Variants in C18orf54 observed in about 807,000 individuals in gnomAD.
The protein encoded by C18orf54 is chromosome 18 open reading frame 54.
Under a neutral mutation model 49.3 loss-of-function variants are expected in C18orf54, and 49 were observed. The observed-to-expected ratio is 0.99, with a 90% confidence interval of 0.79 to 1.26. The LOEUF is 1.26. Ranked by LOEUF, C18orf54 falls within the 50% of genes most tolerant of loss-of-function variation. C18orf54 has a pLI of 0.00. For synonymous variants in C18orf54, 211 were observed against 216.6 expected (o/e 0.97, Z 0.23); for missense variants, 687 against 620.6 (o/e 1.11, Z -1.14).
rs36084781 is a variant in C18orf54, at chr18:54,358,024, G to T, written c.-195G>T. The T allele has an allele frequency of 0.066, 10,092 of 152,772 alleles. 382 individuals carry two copies. Among genetic ancestry groups the T allele is most frequent in the African/African-American group, 0.087 (3,613 of 41,558 alleles). 9.5% of individuals were successfully genotyped at this position (152,772 alleles called of 1,614,324 possible). ...GTGTCCGGGTTGGGGATGCTTTGTG[G>T]TGTCTCGCGTTGGGTAACAGGCCTG... On this transcript the variant is annotated 5_prime_UTR_variant, in exon 1 of 9. Coordinates refer to ENST00000620105, the MANE Select transcript of C18orf54 (RefSeq NM_001288980.2).
At position 54,362,076 on chromosome 18, in the gene C18orf54, A is replaced by T. The variant is rs2089282839; in HGVS notation, c.717A>T (p.Arg239Ser). Residue 239 changes from arginine to serine, a missense_variant, in exon 4 of 9, where the codon AGA (arginine) becomes AGT (serine). Arg to Ser is a moderately radical substitution (Grantham distance 110). Transcript: ENST00000620105. ...SEHSLEKNYPRWLTSQKSDLN... is the reference protein window; with the variant it reads ...SEHSLEKNYPSWLTSQKSDLN... ...ACAGTCTTGAAAAGAATTACCCAAG[A>T]TGGCTCACTAGCCAGAAATCTGACC... 1.3e-6 allele frequency: 2 copies of T among 1,545,038 alleles called. No homozygotes were observed. The highest frequency in any genetic ancestry group is 1.9e-5 in the Admixed American group (1 of 51,400).
chr18:54,373,330 G>A (rs1406966891), intron 7 of C18orf54, among the ~76,000 whole-genome samples: 1 of 151,724 alleles, frequency 6.6e-6, no homozygotes, highest in Non-Finnish European at 1.5e-5. Context: ...TATTTTGGGT[G>A]TACAACATGA....
At chr18:54,370,182 C>G (rs1321581426) in intron 6 of C18orf54, among the ~76,000 whole-genome samples, 1 of 150,232 alleles carries the variant, frequency 6.7e-6, no homozygotes, top group African/African-American at 2.5e-5. Context: ...GAGGCTGAGG[C>G]AGGAGAATGA....
chr18:54,377,145 G>A (rs1257316058), intron 8 of C18orf54, among the ~76,000 whole-genome samples: 1 of 152,096 alleles, frequency 6.6e-6, no homozygotes, highest in Non-Finnish European at 1.5e-5. Flanking sequence ...CGATTCTCCT[G>A]CCTCAGCCTC....
chr18:54,365,811 A>G lies in C18orf54; in HGVS notation c.1316A>G (p.Asn439Ser). Reference sequence around the variant, plus strand: ...GGGGTTCTTGAAGACTTTCTAAATAATGATAATCAGGTGGGTGAAATTAAA... The same window carrying G: ...GGGGTTCTTGAAGACTTTCTAAATAGTGATAATCAGGTGGGTGAAATTAAA... ...AKGVLEDFLN[N>S]DNQSCTLSGG... The change falls in exon 6 of 9, where the codon AAT (asparagine) becomes AGT (serine). Residue 439 changes from asparagine to serine, a missense_variant. Physicochemically the swap from Asn to Ser is conservative, Grantham distance 46. Transcript: ENST00000620105. 1 of 1,567,202 alleles carries G rather than the reference A, an allele frequency of 6.4e-7. No individual in the cohort carries two copies. Among genetic ancestry groups the G allele is most frequent in the African/African-American group, 1.3e-5 (1 of 74,348 alleles).
At position 54,380,983 on chromosome 18, in the gene C18orf54, T is replaced by C. The variant is rs925243363; in HGVS notation, c.*2737T>C. The C allele has an allele frequency of 1.3e-5, 2 of 152,140 alleles. No individual in the cohort carries two copies. Among genetic ancestry groups the C allele is most frequent in the Non-Finnish European group, 2.9e-5 (2 of 67,994 alleles). 9.4% of individuals were successfully genotyped at this position (152,140 alleles called of 1,614,324 possible). ...CAAAAGGCTAATACAGTGGATAATTTCTGAGCACTTGAAGTTTCTTCAAAT... is the reference window on the plus strand; with the variant it reads ...CAAAAGGCTAATACAGTGGATAATTCCTGAGCACTTGAAGTTTCTTCAAAT... On this transcript the variant is annotated 3_prime_UTR_variant, in exon 9 of 9. Transcript: ENST00000620105.
At chr18:54,373,973 G>A (rs541522756) in intron 7 of C18orf54, among the ~76,000 whole-genome samples, 15 of 151,832 alleles carry the variant, frequency 9.9e-5, no homozygotes, top group Admixed American at 4.6e-4. Flanking sequence ...AATTTTAAGC[G>A]AAGACTTGAT....
rs1479278305 is a variant in C18orf54, at chr18:54,362,752, A to G, written c.1073-19A>G. On this transcript the variant is annotated intron_variant, in intron 4 of 8. Coordinates refer to ENST00000620105, the MANE Select transcript of C18orf54 (RefSeq NM_001288980.2). ...TTAATTTTTTTCTTCAAGGATTAAT[A>G]GTCATCTTTTACAATTAGGTGACAA... The G allele has an allele frequency of 1.3e-6, 2 of 1,593,066 alleles. No individual in the cohort carries two copies. Among genetic ancestry groups the G allele is most frequent in the Non-Finnish European group, 1.7e-6 (2 of 1,171,966 alleles).
At position 54,380,790 on chromosome 18, in the gene C18orf54, T is replaced by C. The variant is rs2089656093; in HGVS notation, c.*2544T>C. The C allele has an allele frequency of 6.6e-6, 1 of 152,190 alleles. No homozygotes were observed. The highest frequency in any genetic ancestry group is 2.4e-5 in the African/African-American group (1 of 41,454). The allele number at this position is 152,190 out of a possible 1,614,324, so 9.4% of individuals were successfully genotyped here. On this transcript the variant is annotated 3_prime_UTR_variant, in exon 9 of 9. Transcript: ENST00000620105. The stretch of plus-strand genomic sequence containing the variant: ...GATAAATCATGACAAGGTCCCCTGT[T>C]TATTCCTGTGTTACAGACGCATGGA...
chr18:54,367,051 G>A (rs756530425), intron 6 of C18orf54, among the ~76,000 whole-genome samples: 2 of 151,944 alleles, frequency 1.3e-5, no homozygotes, highest in Non-Finnish European at 2.9e-5. Flanking sequence ...ATCTTTAAAG[G>A]TGAATGGAGT....
At position 54,380,002 on chromosome 18, in the gene C18orf54, C is replaced by T. The variant is rs1376117020; in HGVS notation, c.*1756C>T. 6.6e-6 allele frequency: 1 copy of T among 152,080 alleles called. No homozygotes were observed. Among genetic ancestry groups the T allele is most frequent in the Non-Finnish European group, 1.5e-5 (1 of 67,934 alleles). 9.4% of individuals were successfully genotyped at this position (152,080 alleles called of 1,614,324 possible). Reference sequence around the variant, plus strand: ...CAGTATTTTAAGAAACTTGATTATACTTACCAAAGGAACATTGTTTGTTTT... The same window carrying T: ...CAGTATTTTAAGAAACTTGATTATATTTACCAAAGGAACATTGTTTGTTTT... On this transcript the variant is annotated 3_prime_UTR_variant, in exon 9 of 9. Transcript: ENST00000620105.
intron 5 of C18orf54, among the ~76,000 whole-genome samples, chr18:54,363,374 G>C (rs1481962175): frequency 6.6e-6 from 1 of 151,980 alleles, no homozygotes; most frequent in African/African-American, 2.4e-5. Flanking sequence ...CTGGAGTGCA[G>C]TGGCACCATC....
chr18:54,358,338 C>A (rs958770630), intron 1 of C18orf54, among the ~76,000 whole-genome samples: 1 of 152,116 alleles, frequency 6.6e-6, no homozygotes, highest in Non-Finnish European at 1.5e-5. Flanking sequence ...CTCACACGGG[C>A]GTCTGCGGAC....
chr18:54,370,013 A>G (rs1373173284), intron 6 of C18orf54, among the ~76,000 whole-genome samples: 3 of 152,182 alleles, frequency 2.0e-5, no homozygotes, highest in Admixed American at 2.0e-4. Context: ...CAATACAATA[A>G]TAAAACATAA....
At chr18:54,374,421 AC>A in intron 8 of C18orf54, 137 bp downstream of exon 8, 9 of 922,106 alleles carry the variant, frequency 9.8e-6, no homozygotes, top group African/African-American at 5.2e-5. Flanking sequence ...CACACTGTTT[AC>A]ACTAAAAAAC....
intron 1 of C18orf54, 56 bp downstream of exon 1, chr18:54,358,131 T>A (rs1311793503): frequency 6.6e-6 from 1 of 152,312 alleles, no homozygotes; most frequent in Admixed American, 6.5e-5. Flanking sequence ...TAGGGGTGAG[T>A]TAGGACGGAA....
chr18:54,372,870 C>T (rs934944341), intron 7 of C18orf54, among the ~76,000 whole-genome samples: 1 of 151,846 alleles, frequency 6.6e-6, no homozygotes, highest in Non-Finnish European at 1.5e-5. Flanking sequence ...ACTATAGTAT[C>T]AAAGGGTTGT....
intron 6 of C18orf54, among the ~76,000 whole-genome samples, chr18:54,369,564 G>T (rs1406240611): frequency 1.4e-5 from 2 of 142,194 alleles, no homozygotes; most frequent in African/African-American, 2.6e-5. Context: ...TGCCTCCCAG[G>T]TTCAAGCAGT....
Position 54,381,285 on chromosome 18 carries a change from A to G in C18orf54, c.*3039A>G, listed in dbSNP as rs2089667356. On this transcript the variant is annotated 3_prime_UTR_variant, in exon 9 of 9. Coordinates refer to ENST00000620105, the MANE Select transcript of C18orf54 (RefSeq NM_001288980.2). ...AAGAAAAAAAAAATCTTAGCTTTTC[A>G]TCCTCCCAGTGTATTCTGCATTGTC... 1 of 151,522 alleles carries G rather than the reference A, an allele frequency of 6.6e-6. No individual in the cohort carries two copies. The highest frequency in any genetic ancestry group is 1.5e-5 in the Non-Finnish European group (1 of 67,904). 9.4% of individuals were successfully genotyped at this position (151,522 alleles called of 1,614,324 possible).
Sources: gnomAD v4.1 joint callset for allele counts (sites outside exome capture counted in the v4.1 genomes callset) on GRCh38, gnomAD v4.1.1 for gene constraint, MANE v1.5 for transcripts, NCBI Gene and HGNC (gene_info 2026-07-23, HGNC 2026-07-21) for gene names.